Variants in ICAM1 observed in about 807,000 individuals in gnomAD.
ICAM1 encodes the protein ICAM-1.
A neutral mutation model predicts 42.3 loss-of-function variants in ICAM1; 28 were observed. The ratio of observed to expected loss-of-function variants is 0.66; its 90% CI spans 0.49 to 0.91. The LOEUF (loss-of-function observed/expected upper bound fraction) is 0.91. Among genes scored for constraint, ICAM1 ranks in the 40% least tolerant of loss-of-function variants. The probability of loss-of-function intolerance (pLI) is 0.00; values close to 1 mark genes in which losing one functional copy is unlikely to be tolerated. For missense variants in ICAM1, 637 were observed against 688.6 expected (o/e 0.93, Z 0.84); for synonymous variants, 304 against 305.9 (o/e 0.99, Z 0.07).
In ICAM1 at chr19:10,284,626, C is replaced by T; in HGVS notation, c.1149C>T (p.His383=). The change falls in exon 5 of 7, where the codon CAC becomes CAT. Residue 383 remains histidine (H), a synonymous_variant. Coordinates refer to ENST00000264832, the MANE Select transcript of ICAM1 (RefSeq NM_000201.3). The surrounding 1 kb of genome is among the most constrained non-coding windows in gnomAD (Gnocchi z 5.4). ...ATLEVAGQLI[H]KNQTRELRVL... ...TGGAGGTGGCCGGCCAGCTTATACA[C>T]AAGAACCAGACCCGGGAGCTTCGTG... The T allele has an allele frequency of 4.3e-6, 7 of 1,614,182 alleles. No individual in the cohort carries two copies. The highest frequency in any genetic ancestry group is 5.9e-6 in the Non-Finnish European group (7 of 1,180,022).
Position 10,285,323 on chromosome 19 carries a change from C to G in ICAM1, c.*36C>G. 1 of 1,597,906 alleles carries G rather than the reference C, an allele frequency of 6.3e-7. No homozygotes were observed. Among genetic ancestry groups the G allele is most frequent in the Non-Finnish European group, 8.6e-7 (1 of 1,169,356 alleles). Reference sequence around the variant, plus strand: ...GGACAGGGCCTCTTCCTCGGCCTTCCCATATTGGTGGCAGTGGTGCCACAC... The same window carrying G: ...GGACAGGGCCTCTTCCTCGGCCTTCGCATATTGGTGGCAGTGGTGCCACAC... On this transcript the variant is annotated 3_prime_UTR_variant, in exon 7 of 7. Coordinates refer to ENST00000264832, the MANE Select transcript of ICAM1 (RefSeq NM_000201.3).
chr19:10,284,723 G>A lies in ICAM1; in HGVS notation c.1181-60G>A. On this transcript the variant is annotated intron_variant, in intron 5 of 6. Coordinates refer to ENST00000264832, the MANE Select transcript of ICAM1 (RefSeq NM_000201.3). The surrounding 1 kb of genome is among the most constrained non-coding windows in gnomAD (Gnocchi z 5.4). The stretch of plus-strand genomic sequence containing the variant: ...CCCAATCTCCCTGAAGGTCCCATAA[G>A]GTCTTGCCTCCAAGTCCTGCCCCCA... The A allele has an allele frequency of 2.5e-6, 4 of 1,608,948 alleles. No homozygotes were observed. The highest frequency in any genetic ancestry group is 1.1e-5 in the South Asian group (1 of 90,628).
At chr19:10,274,312 ATTTT>A (rs34542691) in intron 1 of ICAM1, among the ~76,000 whole-genome samples, 2 of 134,904 alleles carry the variant, frequency 1.5e-5, no homozygotes, top group Admixed American at 7.5e-5. Context: ...TTTGCTCATA[ATTTT>A]TTTTTTTTTT....
rs2040104687 is a variant in ICAM1 at position 10,286,163 on chromosome 19, T to C, written c.*876T>C. 6.6e-6 allele frequency: 1 copy of C among 152,396 alleles called. No homozygotes were observed. Among genetic ancestry groups the C allele is most frequent in the Admixed American group, 6.5e-5 (1 of 15,276 alleles). The allele number at this position is 152,396 out of a possible 1,614,324, so 9.4% of individuals were successfully genotyped here. ...TTTCTGCCAGTGTTCACAATGACACTCAGCGGTCATGTCTGGACATGAGTG... is the reference window on the plus strand; with the variant it reads ...TTTCTGCCAGTGTTCACAATGACACCCAGCGGTCATGTCTGGACATGAGTG... On this transcript the variant is annotated 3_prime_UTR_variant, in exon 7 of 7. Coordinates refer to ENST00000264832, the MANE Select transcript of ICAM1 (RefSeq NM_000201.3).
chr19:10,284,467 G>A lies in ICAM1; in HGVS notation c.990G>A (p.Val330=). The A allele has an allele frequency of 6.2e-7, 1 of 1,614,044 alleles. No individual in the cohort carries two copies. Among genetic ancestry groups the A allele is most frequent in the South Asian group, 1.1e-5 (1 of 91,076 alleles). Residue 330 remains valine (V), a synonymous_variant, in exon 5 of 7, where the codon GTG becomes GTA. Transcript: ENST00000264832. This position sits in a 1 kb window ranked among gnomAD's most constrained non-coding sequence, Gnocchi z 5.4. ...TCTCAGAAGGGACCGAGGTGACAGTGAAGTGTGAGGCCCACCCTAGAGCCA... is the reference window on the plus strand; with the variant it reads ...TCTCAGAAGGGACCGAGGTGACAGTAAAGTGTGAGGCCCACCCTAGAGCCA... The part of the protein sequence containing the change: ...PEVSEGTEVT[V]KCEAHPRAKV...
chr19:10,272,456 TTGAG>T (rs2039988097), intron 1 of ICAM1, among the ~76,000 whole-genome samples: 1 of 152,076 alleles, frequency 6.6e-6, no homozygotes, highest in South Asian at 2.1e-4. Flanking sequence ...ACAGGAATCT[TTGAG>T]TGAGGCAGTG....
rs747745154 is a variant in ICAM1, at chr19:10,284,042, C to A, written c.647C>A (p.Ala216Glu). The change falls in exon 4 of 7, where the codon GCG (alanine) becomes GAG (glutamate). Residue 216 changes from alanine to glutamate, a missense_variant. By Grantham distance (107) the Ala-to-Glu change is moderately radical. Coordinates refer to ENST00000264832, the MANE Select transcript of ICAM1 (RefSeq NM_000201.3). The surrounding 1 kb of genome is among the most constrained non-coding windows in gnomAD (Gnocchi z 5.4). ...TTTCTTCTCTCCCTAGTCCTGCCAG[C>A]GACTCCCCCACAACTTGTCAGCCCC... ...PYQLQTFVLP[A>E]TPPQLVSPRV... 45 of 1,612,576 alleles carry A rather than the reference C, an allele frequency of 2.8e-5. No individual in the cohort carries two copies. In the South Asian group the frequency reaches 4.6e-4, roughly 17 times the overall value.
In ICAM1 at chr19:10,285,338, T is replaced by C; in HGVS notation, c.*51T>C. Reference sequence around the variant, plus strand: ...CTCGGCCTTCCCATATTGGTGGCAGTGGTGCCACACTGAACAGAGTGGAAG... The same window carrying C: ...CTCGGCCTTCCCATATTGGTGGCAGCGGTGCCACACTGAACAGAGTGGAAG... On this transcript the variant is annotated 3_prime_UTR_variant, in exon 7 of 7. Coordinates refer to ENST00000264832, the MANE Select transcript of ICAM1 (RefSeq NM_000201.3). The C allele has an allele frequency of 6.5e-7, 1 of 1,545,164 alleles. No individual in the cohort carries two copies.
At position 10,285,104 on chromosome 19, in the gene ICAM1, C is replaced by A. The variant is rs1314560465; in HGVS notation, c.1427-11C>A. 6.2e-7 allele frequency: 1 copy of A among 1,613,880 alleles called. No individual in the cohort carries two copies. The highest frequency in any genetic ancestry group is 8.5e-7 in the Non-Finnish European group (1 of 1,179,994). Reference sequence around the variant, plus strand: ...ATGCAATCCTCACCGCCTGTTGTATCCTCCCCACAGCCCCCCGGTATGAGA... The same window carrying A: ...ATGCAATCCTCACCGCCTGTTGTATACTCCCCACAGCCCCCCGGTATGAGA... On this transcript the variant is annotated splice_polypyrimidine_tract_variant and intron_variant, in intron 6 of 6. Coordinates refer to ENST00000264832, the MANE Select transcript of ICAM1 (RefSeq NM_000201.3).
intron 3 of ICAM1, 54 bp downstream of exon 3, chr19:10,283,840 G>T (rs960193484): frequency 3.9e-6 from 6 of 1,521,062 alleles, no homozygotes; most frequent in African/African-American, 2.7e-5. Flanking sequence ...ATCCTGCAAT[G>T]CGGTGCCTGT....
chr19:10,278,210 C>G (rs1429009293), intron 2 of ICAM1, among the ~76,000 whole-genome samples: 1 of 152,096 alleles, frequency 6.6e-6, no homozygotes, highest in Non-Finnish European at 1.5e-5. Flanking sequence ...AAAATAAAAA[C>G]TGGCCAAGTA....
chr19:10,284,597 A>G lies in ICAM1; in HGVS notation c.1120A>G (p.Thr374Ala). 1 of 1,614,096 alleles carries G rather than the reference A, an allele frequency of 6.2e-7. No homozygotes were observed. The highest frequency in any genetic ancestry group is 8.5e-7 in the Non-Finnish European group (1 of 1,180,012). ...DNGRSFSCSA[T>A]LEVAGQLIHK... is the part of the protein sequence containing the mutation. ...CGGGCGCAGCTTCTCCTGCTCTGCA[A>G]CCCTGGAGGTGGCCGGCCAGCTTAT... The change falls in exon 5 of 7, where the codon ACC becomes GCC. Residue 374 changes from threonine to alanine, a missense_variant. Physicochemically the swap from Thr to Ala is moderately conservative, Grantham distance 58 (BLOSUM62 0). Transcript: ENST00000264832. The surrounding 1 kb of genome is among the most constrained non-coding windows in gnomAD (Gnocchi z 5.4).
Position 10,274,949 on chromosome 19 carries a change from G to A in ICAM1, c.252G>A (p.Val84=). Residue 84 remains valine (V), a synonymous_variant, in exon 2 of 7, where the codon GTG becomes GTA. Transcript: ENST00000264832. Reference sequence around the variant, plus strand: ...GGAAGGTGTATGAACTGAGCAATGTGCAAGAAGATAGCCAACCAATGTGCT... The same window carrying A: ...GGAAGGTGTATGAACTGAGCAATGTACAAGAAGATAGCCAACCAATGTGCT... ...NNRKVYELSN[V]QEDSQPMCYS... is the part of the protein sequence containing the mutation. 1 of 1,614,256 alleles carries A rather than the reference G, an allele frequency of 6.2e-7. No homozygotes were observed. Among genetic ancestry groups the A allele is most frequent in the Non-Finnish European group, 8.5e-7 (1 of 1,180,052 alleles).
intron 2 of ICAM1, among the ~76,000 whole-genome samples, chr19:10,280,333 AT>A (rs1178790231): frequency 6.6e-6 from 1 of 151,790 alleles, no homozygotes; most frequent in African/African-American, 2.4e-5. Flanking sequence ...ATATATATAT[AT>A]TTTTTTGTTT....
Position 10,275,033 on chromosome 19 carries a change from GTAAC to G in ICAM1, c.331+7_331+10del, listed in dbSNP as rs1352706771. The G allele has an allele frequency of 4.3e-6, 7 of 1,612,812 alleles. No individual in the cohort carries two copies. The highest frequency in any genetic ancestry group is 5.1e-6 in the Non-Finnish European group (6 of 1,179,860). On this transcript the variant is annotated splice_donor_region_variant and intron_variant, in intron 2 of 6. Transcript: ENST00000264832. The stretch of plus-strand genomic sequence containing the variant: ...AAACCTTCCTCACCGTGTACTGTGA[GTAAC>G]TGAGCCCGGAGGGCTGGACTAGGCA...
intron 2 of ICAM1, among the ~76,000 whole-genome samples, chr19:10,276,837 T>G (rs1412881075): frequency 3.3e-5 from 5 of 151,404 alleles, no homozygotes; most frequent in Non-Finnish European, 7.4e-5. Context: ...TAGCCAGGCA[T>G]AGTGGCACAT....
intron 2 of ICAM1, among the ~76,000 whole-genome samples, chr19:10,275,705 C>CTTTT (rs568025125): frequency 1.9e-3 from 208 of 109,190 alleles, no homozygotes; most frequent in East Asian, 2.3e-3. Context: ...CTGTTTCTTT[C>CTTTT]TTTTTTTTTT....
chr19:10,280,921 A>T (rs147255904), intron 2 of ICAM1, among the ~76,000 whole-genome samples: 7,427 of 125,070 alleles, frequency 0.059, 209 homozygotes, highest in Middle Eastern at 0.13. Context: ...TCGCCCAGGC[A>T]GGAGTGCAGT....
intron 2 of ICAM1, among the ~76,000 whole-genome samples, chr19:10,279,254 T>C (rs1428815533): frequency 1.3e-5 from 2 of 151,904 alleles, no homozygotes; most frequent in Non-Finnish European, 2.9e-5. Context: ...AGGAGGTAGG[T>C]TGGTGTAGGC....
Sources: allele counts gnomAD v4.1 joint callset (sites outside exome capture counted in the v4.1 genomes callset), GRCh38; gene constraint gnomAD v4.1.1; non-coding constraint Gnocchi (gnomAD v3.1); transcripts MANE v1.5; gene names NCBI Gene and HGNC (gene_info 2026-07-23, HGNC 2026-07-21).